ATR: variants seen among roughly 807,000 people sequenced by gnomAD.
ATR encodes the protein ATR checkpoint kinase.
Under a neutral mutation model 305.3 loss-of-function variants are expected in ATR, and 142 were observed. The ratio of observed to expected loss-of-function variants is 0.47; its 90% CI spans 0.41 to 0.53. ATR has a LOEUF of 0.53. Ranked by LOEUF, ATR falls within the 20% of genes least tolerant of loss-of-function variation. ATR has a pLI of 0.00. For missense variants in ATR, 2,135 were observed against 3,133.1 expected (o/e 0.68, Z 7.60); for synonymous variants, 1,050 against 1,068.1 (o/e 0.98, Z 0.33).
intron 36 of ATR, among the ~76,000 whole-genome samples, chr3:142,476,172 G>A (rs984115313): frequency 2.6e-5 from 4 of 152,166 alleles, no homozygotes; most frequent in Non-Finnish European, 5.9e-5. Flanking sequence ...CCTTGCCCAT[G>A]CCTATGTCCC....
At chr3:142,550,370 C>T in intron 13 of ATR, 68 bp from the exon 14 acceptor site, 2 of 1,520,362 alleles carry the variant, frequency 1.3e-6, no homozygotes, top group Non-Finnish European at 1.8e-6. Context: ...ACTTTTTAAG[C>T]CACCATAGAG....
chr3:142,508,198 C>G, intron 27 of ATR, 89 bp from the exon 28 acceptor site: 4 of 1,091,090 alleles, frequency 3.7e-6, no homozygotes, highest in Non-Finnish European at 5.3e-6. Flanking sequence ...ATTTATTTCA[C>G]TAAACAAATT....
intron 27 of ATR, among the ~76,000 whole-genome samples, chr3:142,508,857 G>T (rs1264799816): frequency 1.3e-5 from 2 of 148,640 alleles, no homozygotes; most frequent in South Asian, 4.2e-4. Context: ...CTGGGAGGCG[G>T]AGCTTGCAGT....
At chr3:142,553,097 C>G in intron 13 of ATR, 130 bp downstream of exon 13, 2 of 1,241,730 alleles carry the variant, frequency 1.6e-6, no homozygotes, top group South Asian at 1.4e-5. Flanking sequence ...CAATATACCC[C>G]TGAACTTAAA....
chr3:142,489,886 T>A (rs1308409323), intron 35 of ATR, among the ~76,000 whole-genome samples: 1 of 152,234 alleles, frequency 6.6e-6, no homozygotes, highest in Non-Finnish European at 1.5e-5. Context: ...ATTGCATTAA[T>A]AGGTATTGCT....
intron 24 of ATR, among the ~76,000 whole-genome samples, chr3:142,516,171 C>G (rs2032852708): frequency 6.6e-6 from 1 of 152,186 alleles, no homozygotes; most frequent in African/African-American, 2.4e-5. Context: ...GCTAAGCTCT[C>G]CTGATCTATG....
rs756325655 is a variant in ATR at position 142,563,041 on chromosome 3, T to C, written c.361A>G (p.Lys121Glu). 3.8e-6 allele frequency: 6 copies of C among 1,599,810 alleles called. No homozygotes were observed. In the South Asian group the frequency reaches 4.6e-5, roughly 12 times the overall value. Reference sequence around the variant, plus strand: ...GAACAGATGACTTCACAGATTTTCTTGTGTAACAAATGACAGGAGGGAGTT... The same window carrying C: ...GAACAGATGACTTCACAGATTTTCTCGTGTAACAAATGACAGGAGGGAGTT... ...AATPSCHLLHKKICEVICSLL... is the reference protein window; with the variant it reads ...AATPSCHLLHEKICEVICSLL... The change falls in exon 4 of 47, where the codon AAG (lysine) becomes GAG (glutamate). Residue 121 changes from lysine (K) to glutamate (E), a missense_variant. By Grantham distance (56) the Lys-to-Glu change is moderately conservative (BLOSUM62 1). This residue lies in a region of ATR where 744 missense variants were observed against 873.2 expected (regional missense o/e 0.85). Coordinates refer to ENST00000350721, the MANE Select transcript of ATR (RefSeq NM_001184.4).
chr3:142,496,565 T>C, intron 33 of ATR, 45 bp from the exon 34 acceptor site: 2 of 1,575,210 alleles, frequency 1.3e-6, no homozygotes, highest in South Asian at 2.2e-5. Flanking sequence ...CATTGGTAAG[T>C]GTACACAACA....
chr3:142,460,381 T>G (rs2070998822), intron 42 of ATR, among the ~76,000 whole-genome samples: 2 of 152,162 alleles, frequency 1.3e-5, no homozygotes, highest in Admixed American at 6.5e-5. Flanking sequence ...GATGTAATGT[T>G]GTTAAGATAA....
chr3:142,489,801 T>A (rs1302384836), intron 35 of ATR, among the ~76,000 whole-genome samples: 5 of 152,258 alleles, frequency 3.3e-5, no homozygotes, highest in African/African-American at 7.2e-5. Flanking sequence ...TGTAATTGTT[T>A]CTGTTGGATA....
intron 21 of ATR, among the ~76,000 whole-genome samples, chr3:142,533,123 A>AC (rs1577648893): frequency 6.6e-6 from 1 of 151,358 alleles, no homozygotes; most frequent in African/African-American, 2.4e-5. Flanking sequence ...ACATAGCAAG[A>AC]CCCCATCTCT....
intron 1 of ATR, among the ~76,000 whole-genome samples, chr3:142,578,176 C>T (rs954378076): frequency 6.6e-6 from 1 of 152,108 alleles, no homozygotes; most frequent in Non-Finnish European, 1.5e-5. Flanking sequence ...AAATGAGAAG[C>T]GGTGATTTTC....
intron 21 of ATR, among the ~76,000 whole-genome samples, chr3:142,525,877 A>T (rs1008986725): frequency 6.6e-6 from 1 of 152,182 alleles, no homozygotes; most frequent in Non-Finnish European, 1.5e-5. Flanking sequence ...TGCTGGCACC[A>T]TGCTTCTTGT....
At chr3:142,483,710 G>A (rs964778234) in intron 36 of ATR, among the ~76,000 whole-genome samples, 5 of 152,160 alleles carry the variant, frequency 3.3e-5, no homozygotes, top group Non-Finnish European at 4.4e-5. Context: ...GGTGGCACAC[G>A]CCTGTAATAC....
At chr3:142,543,326 GAGTTCCTTCCTT>G (rs1297191567) in intron 16 of ATR, among the ~76,000 whole-genome samples, 1 of 151,872 alleles carries the variant, frequency 6.6e-6, no homozygotes, top group Non-Finnish European at 1.5e-5. Flanking sequence ...GAAGTAAACA[GAGTTCCTTCCTT>G]AGTTCCTTCC....
intron 1 of ATR, among the ~76,000 whole-genome samples, chr3:142,574,991 T>G (rs2035390949): frequency 6.6e-6 from 1 of 152,202 alleles, no homozygotes; most frequent in Non-Finnish European, 1.5e-5. Flanking sequence ...GAAGGCAATG[T>G]GTAAGCACTG....
intron 4 of ATR, among the ~76,000 whole-genome samples, chr3:142,561,971 A>ATACATT (rs1199572526): frequency 6.6e-6 from 1 of 152,196 alleles, no homozygotes; most frequent in East Asian, 1.9e-4. Flanking sequence ...AATGCAACAA[A>ATACATT]TACATTTACA....
chr3:142,536,385 C>G (rs563647808), intron 19 of ATR, among the ~76,000 whole-genome samples, 184 bp from the exon 20 acceptor site: 1 of 152,208 alleles, frequency 6.6e-6, no homozygotes, highest in East Asian at 1.9e-4. Context: ...GGAAAATGAC[C>G]AAAGCTATGA....
At chr3:142,562,189 G>A in intron 4 of ATR, 43 bp downstream of exon 4, 1 of 1,601,342 alleles carries the variant, frequency 6.2e-7, no homozygotes, top group Non-Finnish European at 8.5e-7. Flanking sequence ...ATTAAATGAT[G>A]AACAAAATAC....
Sources: gnomAD v4.1 joint callset for allele counts (sites outside exome capture counted in the v4.1 genomes callset) on GRCh38, gnomAD v4.1.1 for gene constraint, gnomAD v4.1.1 regional missense constraint, MANE v1.5 for transcripts, NCBI Gene and HGNC (gene_info 2026-07-23, HGNC 2026-07-21) for gene names.